The following KSR2 variants were observed in gnomAD, a reference collection of about 807,000 sequenced individuals.
KSR2 encodes the protein kinase suppressor of ras 2.
A neutral mutation model predicts 107.8 loss-of-function variants in KSR2; 25 were observed. That is an observed-to-expected ratio of 0.23 (90% CI 0.17 to 0.32). The LOEUF is 0.32. Ranked by LOEUF, KSR2 falls within the 10% of genes least tolerant of loss-of-function variation. The pLI, the probability that KSR2 is intolerant of heterozygous loss-of-function variation, is 1.00. For synonymous variants in KSR2, 480 were observed against 507.0 expected (o/e 0.95, Z 0.71); for missense variants, 887 against 1,268.9 (o/e 0.70, Z 4.57).
At chr12:117,826,561 G>T (rs1223513791) in intron 3 of KSR2, among the ~76,000 whole-genome samples, 1 of 152,120 alleles carries the variant, frequency 6.6e-6, no homozygotes, top group African/African-American at 2.4e-5. Flanking sequence ...TAGAGAGAGG[G>T]TCAAGCTTCC....
intron 3 of KSR2, among the ~76,000 whole-genome samples, chr12:117,812,278 C>T (rs748578546): frequency 1.3e-4 from 20 of 151,906 alleles, no homozygotes; most frequent in Non-Finnish European, 2.4e-4. Flanking sequence ...AAAATGTCTC[C>T]GTAAAAATAT....
In KSR2 at chr12:117,582,327, T is replaced by A. The variant is rs1054249314; in HGVS notation, c.1204A>T (p.Ile402Phe). The A allele has an allele frequency of 3.7e-6, 6 of 1,613,710 alleles. No homozygotes were observed. In the Admixed American group the frequency reaches 8.3e-5, roughly 22 times the overall value. Residue 402 changes from isoleucine to phenylalanine, a missense_variant, in exon 6 of 20, where the codon ATC becomes TTC. Coordinates refer to ENST00000339824, the MANE Select transcript of KSR2 (RefSeq NM_173598.6). ...TLSVPRWSPQIPRRDLGNSIK... is the reference protein window; with the variant it reads ...TLSVPRWSPQFPRRDLGNSIK... ...GAGTTGCCGAGATCTCTGCGAGGGA[T>A]CTGCGGGGACCAGCGTGGCACTGAC...
chr12:117,488,937 G>A (rs1394049919), intron 14 of KSR2, among the ~76,000 whole-genome samples: 2 of 152,158 alleles, frequency 1.3e-5, no homozygotes, highest in Non-Finnish European at 2.9e-5. Context: ...CAGAAAAGTG[G>A]ATAAAATATG....
chr12:117,616,546 C>T (rs1881900092), intron 5 of KSR2, among the ~76,000 whole-genome samples: 2 of 152,164 alleles, frequency 1.3e-5, no homozygotes, highest in African/African-American at 2.4e-5. Flanking sequence ...TCACTCTCTC[C>T]TTGGGGTCAG....
chr12:117,586,767 T>TAC (rs1465407324), intron 5 of KSR2, among the ~76,000 whole-genome samples: 19 of 152,122 alleles, frequency 1.2e-4, no homozygotes, highest in Admixed American at 1.2e-3. Flanking sequence ...CTACAGAGTA[T>TAC]ACACACACAT....
At chr12:117,781,979 T>C (rs1889904225) in intron 3 of KSR2, among the ~76,000 whole-genome samples, 1 of 152,238 alleles carries the variant, frequency 6.6e-6, no homozygotes, top group South Asian at 2.1e-4. Context: ...GTTTAGATAC[T>C]AGCAACAGAG....
intron 4 of KSR2, among the ~76,000 whole-genome samples, chr12:117,694,666 AC>A (rs1885972734): frequency 6.6e-6 from 1 of 152,102 alleles, no homozygotes; most frequent in African/African-American, 2.4e-5. Flanking sequence ...AATGGAAGCA[AC>A]CCAAGTGTTC....
At chr12:117,902,837 G>A (rs868641829) in intron 1 of KSR2, among the ~76,000 whole-genome samples, 1 of 152,174 alleles carries the variant, frequency 6.6e-6, no homozygotes, top group African/African-American at 2.4e-5. Context: ...AACATATACT[G>A]AACAATGCAG....
intron 14 of KSR2, among the ~76,000 whole-genome samples, chr12:117,520,733 C>A (rs1185573927): frequency 1.3e-5 from 2 of 152,226 alleles, no homozygotes; most frequent in African/African-American, 4.8e-5. Flanking sequence ...TGTCACACCC[C>A]TGCCTACAGC....
At chr12:117,792,175 A>AG (rs1890273860) in intron 3 of KSR2, among the ~76,000 whole-genome samples, 1 of 97,092 alleles carries the variant, frequency 1.0e-5, no homozygotes, top group African/African-American at 5.3e-5. Context: ...CAGTCTCTAC[A>AG]AAAAAAAAAA....
chr12:117,761,600 A>G, intron 3 of KSR2, 76 bp from the exon 4 acceptor site: 1 of 1,351,792 alleles, frequency 7.4e-7, no homozygotes, highest in Non-Finnish European at 1.0e-6. Context: ...ACACACCATT[A>G]CATCATACAC....
At chr12:117,776,991 C>G (rs1011122703) in intron 3 of KSR2, among the ~76,000 whole-genome samples, 1 of 150,980 alleles carries the variant, frequency 6.6e-6, no homozygotes, top group African/African-American at 2.4e-5. Context: ...TGGTTAGGTT[C>G]CTGCGAGCCT....
chr12:117,833,457 G>A lies in KSR2; in HGVS notation c.472+21971C>T, dbSNP rs111727683. On this transcript the variant is annotated intron_variant, in intron 3 of 19. Coordinates refer to ENST00000339824, the MANE Select transcript of KSR2 (RefSeq NM_173598.6). ...AGCTCACTGCAGCCTCAAACACCTA[G>A]GCTCAAGAGATCCTCCAGCCTTGGC... Among the ~76,000 whole-genome samples the A allele has an allele frequency of 9.2e-3, 1,405 of 152,182 alleles. 21 individuals are homozygous for A. The highest frequency in any genetic ancestry group is 0.032 in the African/African-American group (1,321 of 41,496).
chr12:117,867,328 G>A (rs904398038), intron 1 of KSR2, among the ~76,000 whole-genome samples: 4 of 151,590 alleles, frequency 2.6e-5, no homozygotes, highest in East Asian at 1.9e-4. Flanking sequence ...AAAAAAAAAA[G>A]GGAAAATTCC....
chr12:117,678,254 T>C (rs1256477677), intron 4 of KSR2, among the ~76,000 whole-genome samples: 1 of 152,084 alleles, frequency 6.6e-6, no homozygotes, highest in African/African-American at 2.4e-5. Flanking sequence ...CGGGCCAGTA[T>C]TGGGCTTCTA....
At chr12:117,585,819 A>G (rs1879953339) in intron 5 of KSR2, among the ~76,000 whole-genome samples, 1 of 152,256 alleles carries the variant, frequency 6.6e-6, no homozygotes, top group Non-Finnish European at 1.5e-5. Context: ...AGTCATGCAG[A>G]CACAGAGGCA....
intron 5 of KSR2, among the ~76,000 whole-genome samples, chr12:117,616,487 T>C (rs1881897705): frequency 6.6e-6 from 1 of 152,178 alleles, no homozygotes; most frequent in Admixed American, 6.5e-5. Flanking sequence ...CATCCAGATA[T>C]CCCTTCCAAG....
At chr12:117,736,468 A>G (rs1887942730) in intron 4 of KSR2, among the ~76,000 whole-genome samples, 3 of 152,180 alleles carry the variant, frequency 2.0e-5, no homozygotes, top group South Asian at 2.1e-4. Flanking sequence ...TCATCTGAGT[A>G]AGTCTCATCC....
intron 3 of KSR2, among the ~76,000 whole-genome samples, chr12:117,826,916 C>A (rs945707840): frequency 1.3e-5 from 2 of 151,152 alleles, no homozygotes; most frequent in Admixed American, 6.6e-5. Context: ...TGAACCCCAT[C>A]TCTACAAAAA....
Sources: allele counts gnomAD v4.1 joint callset (sites outside exome capture counted in the v4.1 genomes callset), GRCh38; gene constraint gnomAD v4.1.1; transcripts MANE v1.5; gene names NCBI Gene and HGNC (gene_info 2026-07-23, HGNC 2026-07-21).